Variants in NRG1 observed in about 807,000 individuals in gnomAD.
NRG1 encodes pro-neuregulin-1, membrane-bound isoform.
A neutral mutation model predicts 63.8 loss-of-function variants in NRG1; 18 were observed. The observed-to-expected ratio is 0.28, with a 90% CI of 0.19 to 0.42. NRG1 has a LOEUF of 0.42. NRG1 is among the 10% of genes least tolerant of loss of function. NRG1 has a pLI of 1.00. For synonymous variants in NRG1, 302 were observed against 301.3 expected, an observed-to-expected ratio of 1.00 and a Z score of -0.02; for missense variants, 762 against 814.7, an observed-to-expected ratio of 0.94 and a Z score of 0.79.
At position 31,832,455 on chromosome 8, in the gene NRG1, C is replaced by T. The variant is rs562182823; in HGVS notation, c.37+193024C>T. Among the ~76,000 whole-genome samples the T allele has an allele frequency of 3.2e-4, 49 of 152,128 alleles. No individual in the cohort carries two copies. In the South Asian group the frequency reaches 4.2e-3, roughly 13 times the overall value. ...TTCATAATTTGTAGAGACAGAGTTT[C>T]GCCATGTTGTCCAGGCTGGTCTCAA... is the stretch of plus-strand genomic sequence containing the variant. On this transcript the variant is annotated intron_variant, in intron 1 of 10. Coordinates refer to the NRG1 transcript ENST00000519301.
chr8:32,329,859 G>A (rs1802429977), intron 1 of NRG1, among the ~76,000 whole-genome samples: 1 of 150,334 alleles, frequency 6.7e-6, no homozygotes, highest in Non-Finnish European at 1.5e-5. Context: ...GTTTTGGGGG[G>A]TTTTGGTCTT....
intron 1 of NRG1, among the ~76,000 whole-genome samples, chr8:32,330,244 G>A (rs1328218447): frequency 6.6e-6 from 1 of 151,994 alleles, no homozygotes; most frequent in African/African-American, 2.4e-5. Flanking sequence ...GATGGATGGA[G>A]CACTTGATTA....
intron 1 of NRG1, among the ~76,000 whole-genome samples, chr8:31,650,025 C>T (rs62506868): frequency 0.19 from 28,535 of 152,024 alleles, 3,033 homozygotes; most frequent in Middle Eastern, 0.23. Context: ...GTCATCCAGG[C>T]GGGAGTGCAG....
At chr8:32,605,610 G>C (rs1157465580) in exon 3 of NRG1, 1 of 1,613,404 alleles carries the variant, frequency 6.2e-7, no homozygotes, top group Non-Finnish European at 8.5e-7. Context: ...ATTCTGGAGA[G>C]TATATGTGCA....
chr8:32,268,509 A>G (rs985248189), intron 1 of NRG1, among the ~76,000 whole-genome samples: 2 of 152,206 alleles, frequency 1.3e-5, no homozygotes, highest in African/African-American at 4.8e-5. Context: ...GGTATTAAAA[A>G]TAAATTCAAA....
chr8:31,996,082 C>T (rs570653401), intron 1 of NRG1, among the ~76,000 whole-genome samples: 8 of 151,724 alleles, frequency 5.3e-5, no homozygotes, highest in Non-Finnish European at 4.4e-5. Context: ...GTCCTTTCTT[C>T]GTCTGCACTG....
chr8:31,673,782 G>A (rs531165427), intron 1 of NRG1, among the ~76,000 whole-genome samples: 1 of 151,994 alleles, frequency 6.6e-6, no homozygotes, highest in African/African-American at 2.4e-5. Context: ...TAGTCAGGAT[G>A]GTCTATGACT....
At chr8:32,703,106 A>G (rs1424431681) in intron 5 of NRG1, among the ~76,000 whole-genome samples, 1 of 152,200 alleles carries the variant, frequency 6.6e-6, no homozygotes, top group African/African-American at 2.4e-5. Flanking sequence ...AATTTCTTTC[A>G]TAACAGTGTT....
chr8:32,273,633 A>G (rs16879079), intron 1 of NRG1, among the ~76,000 whole-genome samples: 2,716 of 152,322 alleles, frequency 0.018, 78 homozygotes, highest in African/African-American at 0.062. Context: ...CACTGGACAC[A>G]TTTTTAAGCA....
chr8:31,978,547 C>CA, intron 1 of NRG1, among the ~76,000 whole-genome samples: 1 of 152,158 alleles, frequency 6.6e-6, no homozygotes, highest in East Asian at 1.9e-4. Context: ...AATGTTGCAG[C>CA]ATTAATTCAT....
chr8:31,911,690 AAAC>A (rs1563555984), intron 1 of NRG1, among the ~76,000 whole-genome samples: 1 of 152,210 alleles, frequency 6.6e-6, no homozygotes, highest in African/African-American at 2.4e-5. Context: ...GAGTTTACCT[AAAC>A]AACAAACCTG....
chr8:32,120,002 C>G (rs920294996), intron 1 of NRG1, among the ~76,000 whole-genome samples: 2 of 151,990 alleles, frequency 1.3e-5, no homozygotes, highest in Non-Finnish European at 2.9e-5. Flanking sequence ...GTGATAAGAC[C>G]TTGGGCAATT....
intron 1 of NRG1, among the ~76,000 whole-genome samples, chr8:32,573,300 C>T (rs1838984995): frequency 6.6e-6 from 1 of 152,158 alleles, no homozygotes; most frequent in Non-Finnish European, 1.5e-5. Context: ...TGTAGAGACC[C>T]AACTCTGCAG....
At chr8:31,729,608 GA>G (rs949706078) in intron 1 of NRG1, among the ~76,000 whole-genome samples, 5 of 151,800 alleles carry the variant, frequency 3.3e-5, no homozygotes, top group African/African-American at 7.2e-5. Context: ...AAAAGGCCCA[GA>G]AAAAAAATTC....
chr8:32,057,875 C>T (rs927936286), intron 1 of NRG1, among the ~76,000 whole-genome samples: 3 of 152,072 alleles, frequency 2.0e-5, no homozygotes, highest in Non-Finnish European at 4.4e-5. Flanking sequence ...CTCAGGTTCC[C>T]AGTATTTACA....
intron 1 of NRG1, among the ~76,000 whole-genome samples, chr8:32,443,612 C>A (rs751965369): frequency 2.6e-5 from 4 of 152,084 alleles, no homozygotes; most frequent in Non-Finnish European, 5.9e-5. Context: ...CCATTTTGTA[C>A]CAGAAGTGTC....
intron 1 of NRG1, among the ~76,000 whole-genome samples, chr8:32,310,379 G>T (rs1856681994): frequency 6.6e-6 from 1 of 152,288 alleles, no homozygotes; most frequent in East Asian, 1.9e-4. Context: ...TTGCTTTCAA[G>T]CTCTGTATCA....
intron 5 of NRG1, among the ~76,000 whole-genome samples, chr8:32,642,081 A>G (rs1852510851): frequency 6.6e-6 from 1 of 152,210 alleles, no homozygotes; most frequent in Non-Finnish European, 1.5e-5. Flanking sequence ...CATACTTTGG[A>G]ACAATCAGAG....
At chr8:32,425,063 T>G (rs1188395989) in intron 1 of NRG1, among the ~76,000 whole-genome samples, 5 of 152,214 alleles carry the variant, frequency 3.3e-5, no homozygotes, top group African/African-American at 7.2e-5. Context: ...TGCATATACA[T>G]TTCTATGATT....
Sources: gnomAD v4.1 joint callset for allele counts (sites outside exome capture counted in the v4.1 genomes callset) on GRCh38, gnomAD v4.1.1 for gene constraint, MANE v1.5 for transcripts, NCBI Gene and HGNC (gene_info 2026-07-23, HGNC 2026-07-21) for gene names.